RELA: variants seen among roughly 807,000 people sequenced by gnomAD.
RELA encodes transcription factor p65.
RELA carries 14 observed loss-of-function variants against 56.7 expected under a neutral mutation model. The ratio of observed to expected loss-of-function variants is 0.25; its 90% CI spans 0.16 to 0.39. The LOEUF (loss-of-function observed/expected upper bound fraction) is 0.39, where lower values mean the gene tolerates loss of function less well. RELA is among the 10% of genes least tolerant of loss of function. The pLI is 1.00. For synonymous variants in RELA, 315 were observed against 289.7 expected, an observed-to-expected ratio of 1.09 and a Z score of -0.89; for missense variants, 559 against 736.4, an observed-to-expected ratio of 0.76 and a Z score of 2.79.
intron 8 of RELA, among the ~76,000 whole-genome samples, chr11:65,657,116 G>T (rs1217641863): frequency 6.6e-6 from 1 of 152,132 alleles, no homozygotes; most frequent in African/African-American, 2.4e-5. Flanking sequence ...AGTGAGGTCA[G>T]GACAGTCTAA....
Position 65,654,824 on chromosome 11 carries a change from C to T in RELA, c.1210G>A (p.Ala404Thr), listed in dbSNP as rs1390278423. Residue 404 changes from alanine to threonine, a missense_variant, in exon 11 of 11, where the codon GCC becomes ACC. Ala to Thr is a moderately conservative substitution (Grantham distance 58, BLOSUM62 0). Coordinates refer to ENST00000406246, the MANE Select transcript of RELA (RefSeq NM_021975.4). ...APAPAMVSAL[A>T]QAPAPVPVLA... ...ACTGGGACAGGGGCTGGGGCCTGGG[C>T]CAGAGCTGATACCATGGCTGGAGCA... The T allele has an allele frequency of 2.6e-6, 4 of 1,545,592 alleles. No individual in the cohort carries two copies. In the Admixed American group the frequency reaches 7.9e-5, roughly 30 times the overall value.
chr11:65,659,823 G>C, intron 5 of RELA, 26 bp from the exon 6 acceptor site: 1 of 1,596,826 alleles, frequency 6.3e-7, no homozygotes, highest in Non-Finnish European at 8.5e-7. Context: ...GCGATCAGGA[G>C]AGCAGGGGAA....
At chr11:65,661,905 C>G in intron 3 of RELA, 32 bp downstream of exon 3, 3 of 1,607,010 alleles carry the variant, frequency 1.9e-6, no homozygotes, top group Non-Finnish European at 2.6e-6. Flanking sequence ...GTTCCACAGT[C>G]CCTTCCCCGC....
At position 65,654,464 on chromosome 11, in the gene RELA, G is replaced by A; in HGVS notation, c.1570C>T (p.Pro524Ser). 6.2e-7 allele frequency: 1 copy of A among 1,605,096 alleles called. No individual in the cohort carries two copies. The highest frequency in any genetic ancestry group is 8.5e-7 in the Non-Finnish European group (1 of 1,176,724). Residue 524 changes from proline to serine, a missense_variant, in exon 11 of 11, where the codon CCC becomes TCC. Transcript: ENST00000406246. ...TCATCTCCTGAAAGGAGGCCATTGG[G>A]GAGCCCCGGGGCCCCCAGTGGAGCA... Reference protein sequence around the residue: ...APAPLGAPGLPNGLLSGDEDF... With the variant: ...APAPLGAPGLSNGLLSGDEDF...
chr11:65,661,925 C>A lies in RELA; in HGVS notation c.186+12G>T, dbSNP rs1317190980. On this transcript the variant is annotated intron_variant, in intron 3 of 10. Transcript: ENST00000406246. ...ACAGTCCCTTCCCCGCACACCCTGGCGCAGTGCTGACCTTGATGGTGGGGT... is the reference window on the plus strand; with the variant it reads ...ACAGTCCCTTCCCCGCACACCCTGGAGCAGTGCTGACCTTGATGGTGGGGT... 1.9e-6 allele frequency: 3 copies of A among 1,611,562 alleles called. No individual in the cohort carries two copies. The highest frequency in any genetic ancestry group is 2.7e-5 in the African/African-American group (2 of 74,846).
At chr11:65,659,912 C>A in intron 5 of RELA, 115 bp from the exon 6 acceptor site, 1 of 1,383,074 alleles carries the variant, frequency 7.2e-7, no homozygotes, top group Non-Finnish European at 9.8e-7. Flanking sequence ...AAACACAAGT[C>A]CTAGAGGAGG....
At chr11:65,655,561 T>G (rs577457635) in intron 10 of RELA, 127 bp downstream of exon 10, 1 of 914,648 alleles carries the variant, frequency 1.1e-6, no homozygotes, top group Non-Finnish European at 1.7e-6. Context: ...CGCTGGTTCC[T>G]GCGCCATCCT....
chr11:65,654,310 CGTAA>C lies in RELA; in HGVS notation c.*64_*67del. Reference sequence around the variant, plus strand: ...AGTTGGAACACACCCCACCAGAATCCGTAAGTGCTTTTGGAGGGCTTCAATCCCC... The same window carrying C: ...AGTTGGAACACACCCCACCAGAATCCGTGCTTTTGGAGGGCTTCAATCCCC... On this transcript the variant is annotated 3_prime_UTR_variant, in exon 11 of 11. Transcript: ENST00000406246. 1 of 1,604,466 alleles carries C rather than the reference CGTAA, an allele frequency of 6.2e-7. No individual in the cohort carries two copies. The highest frequency in any genetic ancestry group is 8.5e-7 in the Non-Finnish European group (1 of 1,172,920).
Position 65,655,848 on chromosome 11 carries a change from A to T in RELA, c.958+7T>A. 1 of 1,613,892 alleles carries T rather than the reference A, an allele frequency of 6.2e-7. No individual in the cohort carries two copies. Among genetic ancestry groups the T allele is most frequent in the Non-Finnish European group, 8.5e-7 (1 of 1,179,850 alleles). On this transcript the variant is annotated splice_region_variant and intron_variant, in intron 9 of 10. Transcript: ENST00000406246. Reference sequence around the variant, plus strand: ...TTCCTCTCTGGCTTTCCCAGTCCCCATCTCACCGCTGAAAGGACTCTTCTT... The same window carrying T: ...TTCCTCTCTGGCTTTCCCAGTCCCCTTCTCACCGCTGAAAGGACTCTTCTT...
intron 8 of RELA, among the ~76,000 whole-genome samples, chr11:65,657,371 A>G (rs1002068927): frequency 6.6e-6 from 1 of 152,168 alleles, no homozygotes; most frequent in Admixed American, 6.5e-5. Context: ...CCTGGACTAC[A>G]GCAACATTTC....
At position 65,653,610 on chromosome 11, in the gene RELA, C is replaced by A. The variant is rs913802883; in HGVS notation, c.*768G>T. ...AAAAGCGGATCTCTAGCCAGCTTGG[C>A]AACAGATTTATTAGTTCAGAGTAGA... On this transcript the variant is annotated 3_prime_UTR_variant, in exon 11 of 11. Coordinates refer to ENST00000406246, the MANE Select transcript of RELA (RefSeq NM_021975.4). 2.6e-5 allele frequency: 4 copies of A among 152,334 alleles called. No homozygotes were observed. Among genetic ancestry groups the A allele is most frequent in the Admixed American group, 6.5e-5 (1 of 15,282 alleles). 9.4% of individuals were successfully genotyped at this position (152,334 alleles called of 1,614,324 possible). A position where few individuals can be genotyped will look rare whatever the true frequency, so the allele number is the denominator to read the frequency against.
chr11:65,654,502 G>C lies in RELA; in HGVS notation c.1532C>G (p.Pro511Arg). Residue 511 changes from proline to arginine, a missense_variant, in exon 11 of 11, where the codon CCC (proline) becomes CGC (arginine). Pro to Arg is a moderately radical substitution (Grantham distance 103). Around this residue, in one of 4 missense-constraint regions of RELA, gnomAD observed 365 missense variants for 387.5 expected, o/e 0.94. Coordinates refer to ENST00000406246, the MANE Select transcript of RELA (RefSeq NM_021975.4). ...TRLVTGAQRP[P>R]DPAPAPLGAP... ...CCCCAGTGGAGCAGGAGCTGGGTCGGGGGGCCTCTGGGCCCCTGTCACTAG... is the reference window on the plus strand; with the variant it reads ...CCCCAGTGGAGCAGGAGCTGGGTCGCGGGGCCTCTGGGCCCCTGTCACTAG... 6.2e-7 allele frequency: 1 copy of C among 1,601,810 alleles called. No homozygotes were observed. Among genetic ancestry groups the C allele is most frequent in the South Asian group, 1.1e-5 (1 of 88,994 alleles).
Position 65,658,865 on chromosome 11 carries a change from G to A in RELA, c.560-43C>T, listed in dbSNP as rs761900023. 51 of 1,541,858 alleles carry A rather than the reference G, an allele frequency of 3.3e-5. No homozygotes were observed. The highest frequency in any genetic ancestry group is 1.5e-4 in the Admixed American group (9 of 59,890). On this transcript the variant is annotated intron_variant, in intron 6 of 10. Coordinates refer to ENST00000406246, the MANE Select transcript of RELA (RefSeq NM_021975.4). The surrounding 1 kb of genome is among the most constrained non-coding windows in gnomAD (Gnocchi z 4.5). ...AGGGAGGATGACCTGAGCCACGAGA[G>A]GTCCCCAGGGTGGCCTGCAGGAGAT... is the stretch of plus-strand genomic sequence containing the variant.
chr11:65,660,429 C>G, intron 4 of RELA: 1 of 593,194 alleles, frequency 1.7e-6, no homozygotes, highest in Non-Finnish European at 3.0e-6. Context: ...TCCCTGTGGG[C>G]TCCCTGCTTA....
chr11:65,658,661 C>A lies in RELA; in HGVS notation c.664+57G>T. On this transcript the variant is annotated intron_variant, in intron 7 of 10. Coordinates refer to ENST00000406246, the MANE Select transcript of RELA (RefSeq NM_021975.4). This position sits in a 1 kb window ranked among gnomAD's most constrained non-coding sequence, Gnocchi z 4.5. ...AAGCCAGTTACCTGACACTCCACTT[C>A]TCTGCTCAGCTTCACCCCTTGCTCC... 1 of 1,530,612 alleles carries A rather than the reference C, an allele frequency of 6.5e-7. No individual in the cohort carries two copies. 94.8% of individuals were successfully genotyped at this position (1,530,612 alleles called of 1,614,324 possible).
chr11:65,657,796 C>G lies in RELA; in HGVS notation c.877+491G>C, dbSNP rs148972319. Among the ~76,000 whole-genome samples the G allele has an allele frequency of 7.5e-4, 114 of 152,350 alleles. 1 individual carries two copies. The highest frequency in any genetic ancestry group is 2.5e-3 in the African/African-American group (104 of 41,584). The stretch of plus-strand genomic sequence containing the variant: ...TTGTCTTCCTCAAGTGACTGAGACT[C>G]TGAAGGGCAGGGAGCATGTCTTACT... On this transcript the variant is annotated intron_variant, in intron 8 of 10. Transcript: ENST00000406246.
chr11:65,659,526 A>T, intron 6 of RELA, 140 bp downstream of exon 6: 1 of 1,111,442 alleles, frequency 9.0e-7, no homozygotes, highest in Non-Finnish European at 1.3e-6. Flanking sequence ...GCCAACAAAG[A>T]GCTGGGCAGA....
chr11:65,660,091 G>C, intron 5 of RELA, 33 bp downstream of exon 5: 4 of 1,591,922 alleles, frequency 2.5e-6, no homozygotes, highest in East Asian at 2.2e-5. Flanking sequence ...GGGTGACAGA[G>C]GGTGCGGGTG....
At chr11:65,657,904 A>G (rs1272131146) in intron 8 of RELA, among the ~76,000 whole-genome samples, 1 of 152,206 alleles carries the variant, frequency 6.6e-6, no homozygotes, top group African/African-American at 2.4e-5. Flanking sequence ...GCTGGGCTGT[A>G]TGGTAGTGAC....
Sources: allele counts gnomAD v4.1 joint callset (sites outside exome capture counted in the v4.1 genomes callset), GRCh38; gene constraint gnomAD v4.1.1; regional missense constraint gnomAD v4.1.1; non-coding constraint Gnocchi (gnomAD v3.1); transcripts MANE v1.5; gene names NCBI Gene and HGNC (gene_info 2026-07-23, HGNC 2026-07-21).